Variants in FRMPD4 observed in about 807,000 individuals in gnomAD.
FRMPD4 encodes FERM and PDZ domain-containing protein 4.
In FRMPD4, 22 loss-of-function variants were observed where a neutral mutation model predicts 94.1. The ratio of observed to expected loss-of-function variants is 0.23; its 90% confidence interval spans 0.17 to 0.33. The LOEUF is 0.33. FRMPD4 is among the 10% of genes least tolerant of loss of function. The pLI is 1.00. For missense variants in FRMPD4, 1,111 were observed against 1,339.9 expected (o/e 0.83, Z 2.67); for synonymous variants, 631 against 548.6 (o/e 1.15, Z -2.10).
At chrX:12,284,671 C>T (rs896592338) in intron 1 of FRMPD4, among the ~76,000 whole-genome samples, 4 of 111,817 alleles carry the variant, frequency 3.6e-5, no homozygotes, top group African/African-American at 1.3e-4. Flanking sequence ...TACCAACCCC[C>T]TCGCAAAAGC....
chrX:12,459,957 G>GAT (rs1166691254), intron 1 of FRMPD4, among the ~76,000 whole-genome samples: 4 of 111,823 alleles, frequency 3.6e-5, no homozygotes, highest in Admixed American at 1.9e-4. Context: ...ACCAACAGTT[G>GAT]ATATTGTCAG....
chrX:11,838,825 T>C (rs2053516543), intron 1 of FRMPD4, among the ~76,000 whole-genome samples: 1 of 112,163 alleles, frequency 8.9e-6, no homozygotes, highest in South Asian at 3.7e-4. Flanking sequence ...TAGTTTCTTT[T>C]TCTTGCTGAA....
At chrX:12,231,010 G>GTATGTATATATATATATA (rs1555938195) in intron 1 of FRMPD4, among the ~76,000 whole-genome samples, 1 of 39,161 alleles carries the variant, frequency 2.6e-5, no homozygotes, top group African/African-American at 9.3e-5. Flanking sequence ...ATAATATATA[G>GTATGTATATATATATATA]TATATATAGT....
intron 4 of FRMPD4, among the ~76,000 whole-genome samples, chrX:12,647,061 T>C (rs961038940): frequency 8.9e-6 from 1 of 111,820 alleles, no homozygotes; most frequent in African/African-American, 3.3e-5. Flanking sequence ...CTTTTTATTC[T>C]TGAACCGCTC....
chrX:12,670,752 C>G (rs1458615990), intron 4 of FRMPD4, among the ~76,000 whole-genome samples: 1 of 112,052 alleles, frequency 8.9e-6, no homozygotes, highest in African/African-American at 3.2e-5. Flanking sequence ...TCTGATTAAA[C>G]TAAAGAGCTT....
chrX:12,593,103 A>G (rs915102113), intron 2 of FRMPD4, among the ~76,000 whole-genome samples: 1 of 111,245 alleles, frequency 9.0e-6, no homozygotes, highest in African/African-American at 3.3e-5. Context: ...CCTTAATCCC[A>G]TGTCTTTCTA....
At chrX:12,384,237 C>T (rs906455672) in intron 1 of FRMPD4, among the ~76,000 whole-genome samples, 2 of 111,894 alleles carry the variant, frequency 1.8e-5, no homozygotes, top group African/African-American at 6.5e-5. Flanking sequence ...AATTTAAGGC[C>T]GGGTATGGTG....
At chrX:11,974,781 A>G (rs200720839) in intron 3 of FRMPD4, among the ~76,000 whole-genome samples, 1 of 111,386 alleles carries the variant, frequency 9.0e-6, no homozygotes, top group Non-Finnish European at 1.9e-5. Flanking sequence ...TTGTGGCTGG[A>G]GTAGAAAGAG....
intron 1 of FRMPD4, among the ~76,000 whole-genome samples, chrX:12,152,716 T>A (rs749441803): frequency 8.1e-5 from 9 of 111,432 alleles, no homozygotes; most frequent in African/African-American, 2.9e-4. Flanking sequence ...ATCTATAAAA[T>A]TTTAATGATA....
At chrX:12,088,382 C>G (rs2055127920) in intron 3 of FRMPD4, among the ~76,000 whole-genome samples, 1 of 111,859 alleles carries the variant, frequency 8.9e-6, no homozygotes, top group Admixed American at 9.4e-5. Flanking sequence ...AATCACCTCT[C>G]AATTCTTAGG....
chrX:12,497,474 T>TAA (rs200256322), intron 1 of FRMPD4, among the ~76,000 whole-genome samples: 154 of 96,149 alleles, frequency 1.6e-3, no homozygotes, highest in African/African-American at 2.5e-3. Flanking sequence ...AGCAGCACAT[T>TAA]AAAAAAAAAA....
intron 1 of FRMPD4, among the ~76,000 whole-genome samples, chrX:12,431,545 A>G (rs2057009754): frequency 8.9e-6 from 1 of 112,008 alleles, no homozygotes; most frequent in Non-Finnish European, 1.9e-5. Flanking sequence ...TAAACCCAGT[A>G]GGTAAATAGA....
intron 3 of FRMPD4, among the ~76,000 whole-genome samples, chrX:12,064,970 A>G (rs187047661): frequency 6.2e-5 from 7 of 112,200 alleles, no homozygotes; most frequent in Non-Finnish European, 1.1e-4. Context: ...AATCCATATG[A>G]TTTTTATATG....
intron 8 of FRMPD4, among the ~76,000 whole-genome samples, chrX:12,690,553 A>G (rs2060070589): frequency 8.9e-6 from 1 of 112,366 alleles, no homozygotes; most frequent in Non-Finnish European, 1.9e-5. Flanking sequence ...TTTGTCATTC[A>G]AAGTCTCACC....
At chrX:12,350,872 T>A (rs1188690817) in intron 1 of FRMPD4, among the ~76,000 whole-genome samples, 1 of 112,653 alleles carries the variant, frequency 8.9e-6, no homozygotes, top group Non-Finnish European at 1.9e-5. Flanking sequence ...GAAGATGTGC[T>A]TGCCTATAAT....
chrX:12,296,138 G>A (rs1207710066), intron 1 of FRMPD4, among the ~76,000 whole-genome samples: 2 of 110,751 alleles, frequency 1.8e-5, no homozygotes, highest in East Asian at 2.8e-4. Context: ...ATGTCCCCTG[G>A]GGAACGTGAC....
chrX:12,080,693 G>A (rs1274276795), intron 3 of FRMPD4, among the ~76,000 whole-genome samples: 2 of 112,096 alleles, frequency 1.8e-5, no homozygotes, highest in African/African-American at 3.2e-5. Context: ...AGCATCTAGG[G>A]TTCTAGAAAT....
intron 1 of FRMPD4, among the ~76,000 whole-genome samples, chrX:12,374,506 G>A (rs186274582): frequency 8.9e-6 from 1 of 111,915 alleles, no homozygotes; most frequent in East Asian, 2.8e-4. Flanking sequence ...TGCCTGGGGA[G>A]CAAAACTTAA....
intron 1 of FRMPD4, among the ~76,000 whole-genome samples, chrX:12,411,106 G>C (rs915997837): frequency 9.0e-6 from 1 of 111,408 alleles, no homozygotes; most frequent in African/African-American, 3.3e-5. Flanking sequence ...CATTGGTGAT[G>C]CAGCATTCTT....
Sources: gnomAD v4.1 joint callset for allele counts (sites outside exome capture counted in the v4.1 genomes callset) on GRCh38, gnomAD v4.1.1 for gene constraint, MANE v1.5 for transcripts, NCBI Gene and HGNC (gene_info 2026-07-23, HGNC 2026-07-21) for gene names.